MEP1A: variants seen among roughly 807,000 people sequenced by gnomAD.
The protein encoded by MEP1A is meprin A subunit alpha, also known as N-benzoyl-L-tyrosyl-P-amino-benzoic acid hydrolase subunit alpha.
A neutral mutation model predicts 84.5 loss-of-function variants in MEP1A; 68 were observed. That is an observed-to-expected ratio of 0.80 (90% CI 0.66 to 0.98). The LOEUF (loss-of-function observed/expected upper bound fraction) is 0.98, where lower values mean the gene tolerates loss of function less well. Ranked by LOEUF, MEP1A falls within the 50% of genes least tolerant of loss-of-function variation. The pLI is 0.00. For synonymous variants in MEP1A, 337 were observed against 336.8 expected (o/e 1.00, Z -0.01); for missense variants, 887 against 919.9 (o/e 0.96, Z 0.46).
At chr6:46,799,781 A>G (rs1391223617) in intron 5 of MEP1A, among the ~76,000 whole-genome samples, 2 of 152,232 alleles carry the variant, frequency 1.3e-5, no homozygotes, top group African/African-American at 4.8e-5. Context: ...AACTGGTAGA[A>G]ATAAGTAAAT....
chr6:46,834,435 ATATTTATTTATT>A (rs58902344), intron 11 of MEP1A, 131 bp from the exon 12 acceptor site: 4,565 of 201,398 alleles, frequency 0.023, 208 homozygotes, highest in African/African-American at 0.093. Flanking sequence ...TTTTATTTTT[ATATTTATTTATT>A]TATTTATTTA....
intron 12 of MEP1A, 21 bp from the exon 13 acceptor site, chr6:46,835,228 A>C (rs778864482): frequency 6.4e-7 from 1 of 1,561,702 alleles, no homozygotes; most frequent in East Asian, 2.3e-5. Flanking sequence ...GATCTTCCTC[A>C]TGACTCTCTA....
chr6:46,825,088 AAATTATG>A lies in MEP1A; in HGVS notation c.557-183_557-177del, dbSNP rs1340439602. Among the ~76,000 whole-genome samples the A allele has an allele frequency of 1.3e-3, 170 of 126,318 alleles. 10 individuals carry two copies. The highest frequency in any genetic ancestry group is 5.1e-3 in the African/African-American group (166 of 32,282). 82.9% of individuals were successfully genotyped at this position (126,318 alleles called of 152,430 possible). On this transcript the variant is annotated intron_variant, in intron 7 of 13. Transcript: ENST00000230588. ...TAAATAAATCTATTTAAATATTTAT[AAATTATG>A]TATTTAAATAAATCTATTTAAATAT...
chr6:46,815,630 T>C (rs908661053), intron 6 of MEP1A, among the ~76,000 whole-genome samples: 2 of 152,126 alleles, frequency 1.3e-5, no homozygotes, highest in African/African-American at 4.8e-5. Flanking sequence ...TTTCCTGGTA[T>C]GTTCCTGCAG....
chr6:46,818,323 C>T (rs953272269), intron 6 of MEP1A, among the ~76,000 whole-genome samples: 2 of 152,130 alleles, frequency 1.3e-5, no homozygotes, highest in African/African-American at 4.8e-5. Context: ...TGAAGGTATA[C>T]TGTGTCAGTA....
intron 5 of MEP1A, among the ~76,000 whole-genome samples, chr6:46,807,524 G>GA (rs1279098135): frequency 3.7e-5 from 1 of 26,842 alleles, no homozygotes; most frequent in Non-Finnish European, 7.3e-5. Flanking sequence ...AAGAAAGAAA[G>GA]AAAGAAAGAA....
intron 13 of MEP1A, among the ~76,000 whole-genome samples, chr6:46,838,121 C>T (rs1221562612): frequency 1.3e-5 from 2 of 150,822 alleles, no homozygotes; most frequent in East Asian, 3.9e-4. Flanking sequence ...TGATCTCAAA[C>T]TCCTGACCTC....
intron 5 of MEP1A, among the ~76,000 whole-genome samples, chr6:46,807,786 A>AGAAAGAAG (rs1252612581): frequency 3.5e-5 from 4 of 112,814 alleles, no homozygotes; most frequent in Non-Finnish European, 8.2e-5. Flanking sequence ...AAAGAAAGAA[A>AGAAAGAAG]GAAAGAAAGA....
chr6:46,834,618 G>C lies in MEP1A; in HGVS notation c.1650G>C (p.Val550=). Residue 550 remains valine, a synonymous_variant, in exon 12 of 14, where the codon GTG becomes GTC. Coordinates refer to ENST00000230588, the MANE Select transcript of MEP1A (RefSeq NM_005588.3). The stretch of plus-strand genomic sequence containing the variant: ...TCATCTGGGACAGGCCGTCCAGGGT[G>C]GGAACCTATCATACGGACTGTAATT... ...DTVIWDRPSR[V]GTYHTDCNCF... 6.2e-7 allele frequency: 1 copy of C among 1,611,392 alleles called. No individual in the cohort carries two copies. The highest frequency in any genetic ancestry group is 8.5e-7 in the Non-Finnish European group (1 of 1,179,486).
At chr6:46,824,692 AAATT>A (rs1194890758) in intron 7 of MEP1A, among the ~76,000 whole-genome samples, 1 of 130,536 alleles carries the variant, frequency 7.7e-6, no homozygotes, top group Non-Finnish European at 1.5e-5. Context: ...AAATATATAT[AAATT>A]ATGTATTTAA....
At chr6:46,799,909 G>C (rs565554945) in intron 5 of MEP1A, among the ~76,000 whole-genome samples, 1 of 152,256 alleles carries the variant, frequency 6.6e-6, no homozygotes, top group South Asian at 2.1e-4. Context: ...CAAGATTAGA[G>C]TGAAGAAGGG....
intron 5 of MEP1A, among the ~76,000 whole-genome samples, chr6:46,807,569 G>GAAAGAAAGAAGGA (rs1562106673): frequency 5.7e-5 from 1 of 17,676 alleles, no homozygotes; most frequent in African/African-American, 2.3e-4. Context: ...AGAAAGAAAG[G>GAAAGAAAGAAGGA]AAGGAAGGAA....
chr6:46,796,215 C>T (rs1034148011), intron 3 of MEP1A, among the ~76,000 whole-genome samples: 1 of 152,264 alleles, frequency 6.6e-6, no homozygotes, highest in East Asian at 1.9e-4. Context: ...GGCTCATCAA[C>T]GGGTGTTGAC....
At chr6:46,822,375 A>G (rs1312379705) in intron 7 of MEP1A, among the ~76,000 whole-genome samples, 5 of 152,194 alleles carry the variant, frequency 3.3e-5, no homozygotes, top group South Asian at 2.1e-4. Flanking sequence ...TCCCTATCCT[A>G]TTCACTGTTG....
chr6:46,838,323 C>A (rs1241612875), intron 13 of MEP1A, among the ~76,000 whole-genome samples: 1 of 152,054 alleles, frequency 6.6e-6, no homozygotes, highest in Non-Finnish European at 1.5e-5. Flanking sequence ...AAGTTATATG[C>A]CTTGGTTATG....
rs140652587 is a variant in MEP1A, at chr6:46,801,881, G to A, written c.262+2700G>A. On this transcript the variant is annotated intron_variant, in intron 5 of 13. Transcript: ENST00000230588. ...TTGCTTTCCTCATTAAGTACTCTTC[G>A]CAAGAGTCTCGTTTGCCAAGTTTGC... Among the ~76,000 whole-genome samples the A allele has an allele frequency of 1.4e-4, 21 of 151,978 alleles. No individual in the cohort carries two copies. In the South Asian group the frequency reaches 3.3e-3, roughly 24 times the overall value.
At chr6:46,799,012 T>C (rs1767131678) in intron 4 of MEP1A, 94 bp from the exon 5 acceptor site, 3 of 789,828 alleles carry the variant, frequency 3.8e-6, no homozygotes, top group Non-Finnish European at 6.7e-6. Flanking sequence ...AGTTGTGTGA[T>C]AGACTGTTTG....
intron 3 of MEP1A, among the ~76,000 whole-genome samples, chr6:46,797,667 A>AG (rs1258806325): frequency 6.6e-6 from 1 of 152,126 alleles, no homozygotes; most frequent in African/African-American, 2.4e-5. Context: ...CTGGATGGAA[A>AG]GGCAGGAGTT....
At position 46,825,438 on chromosome 6, in the gene MEP1A, G is replaced by A. The variant is rs6920863; in HGVS notation, c.723G>A (p.Gln241=). 636,351 of 1,612,238 alleles carry A rather than the reference G, an allele frequency of 0.39. 128,087 individuals carry two copies. The highest frequency in any genetic ancestry group is 0.5 in the African/African-American group (37,693 of 74,862). Residue 241 remains glutamine, a synonymous_variant, in exon 8 of 14, where the codon CAG becomes CAA. Transcript: ENST00000230588. ...CTGAGTTTAACTCCATTATCGGACA[G>A]CGCCTGGATTTCAGTGCCATTGATT... The part of the protein sequence containing the change: ...KIPEFNSIIG[Q]RLDFSAIDLE...
Sources: gnomAD v4.1 joint callset for allele counts (sites outside exome capture counted in the v4.1 genomes callset) on GRCh38, gnomAD v4.1.1 for gene constraint, MANE v1.5 for transcripts, NCBI Gene and HGNC (gene_info 2026-07-23, HGNC 2026-07-21) for gene names.